The following COL4A6 variants were observed in gnomAD, a reference collection of about 807,000 sequenced individuals.
COL4A6 encodes the protein collagen type IV alpha 6 chain.
COL4A6 carries 59 observed loss-of-function variants against 126.7 expected under a neutral mutation model. The observed-to-expected ratio is 0.47, with a 90% CI of 0.38 to 0.58. The LOEUF (loss-of-function observed/expected upper bound fraction) is 0.58, where lower values mean the gene tolerates loss of function less well. Ranked by LOEUF, COL4A6 falls within the 20% of genes least tolerant of loss-of-function variation. The pLI is 0.00. For missense variants in COL4A6, 1,285 were observed against 1,337.3 expected (o/e 0.96, Z 0.61); for synonymous variants, 547 against 496.6 (o/e 1.10, Z -1.35).
intron 2 of COL4A6, among the ~76,000 whole-genome samples, chrX:108,429,100 G>A (rs921949363): frequency 8.9e-6 from 1 of 111,871 alleles, no homozygotes; most frequent in Non-Finnish European, 1.9e-5. Flanking sequence ...TTATTACTCA[G>A]CAATAAAAGG....
rs1050017866 is a variant in COL4A6, at chrX:108,191,400, G to GCCTGGTGGA, written c.1305_1313dup (p.Gly438_Pro440dup). On this transcript the variant is annotated inframe_insertion, in exon 19 of 45. Transcript: ENST00000334504. ...GAGAAATGAGTAACTTACTAGGTGG[G>GCCTGGTGGA]CCTGGTGGACCTGGTGGGCCTGGCA... The GCCTGGTGGA allele has an allele frequency of 1.6e-5, 19 of 1,207,975 alleles. No individual in the cohort carries two copies. The highest frequency in any genetic ancestry group is 1.9e-5 in the Non-Finnish European group (17 of 894,327).
intron 2 of COL4A6, among the ~76,000 whole-genome samples, chrX:108,347,078 A>G (rs2039725122): frequency 8.9e-6 from 1 of 111,963 alleles, no homozygotes. Flanking sequence ...TTATTTTCCA[A>G]CCCGCTAATT....
chrX:108,310,697 A>G (rs1569419879), intron 3 of COL4A6, 51 bp downstream of exon 3: 1 of 1,062,921 alleles, frequency 9.4e-7, no homozygotes, highest in Non-Finnish European at 1.3e-6. Context: ...GAAAACAGAT[A>G]ACAGCTCCCA....
At chrX:108,393,398 A>G (rs995342281) in intron 2 of COL4A6, among the ~76,000 whole-genome samples, 1 of 112,294 alleles carries the variant, frequency 8.9e-6, no homozygotes, top group African/African-American at 3.2e-5. Context: ...TACATACTGT[A>G]TGGTTTCATT....
At chrX:108,308,875 C>T (rs759946547) in intron 3 of COL4A6, among the ~76,000 whole-genome samples, 1 of 111,687 alleles carries the variant, frequency 9.0e-6, no homozygotes, top group Admixed American at 9.5e-5. Context: ...AGGAGGCCTA[C>T]TCTAAGATTT....
At chrX:108,425,497 G>C (rs1001996885) in intron 2 of COL4A6, among the ~76,000 whole-genome samples, 2 of 110,084 alleles carry the variant, frequency 1.8e-5, no homozygotes, top group African/African-American at 6.6e-5. Flanking sequence ...ACTTTGGGAG[G>C]CTAAGGGGGG....
At chrX:108,266,227 C>T (rs2037299425) in intron 3 of COL4A6, among the ~76,000 whole-genome samples, 1 of 111,334 alleles carries the variant, frequency 9.0e-6, no homozygotes, top group Admixed American at 9.5e-5. Flanking sequence ...TGTTTTGCTG[C>T]TATTTTGATG....
intron 2 of COL4A6, among the ~76,000 whole-genome samples, chrX:108,374,510 A>G (rs1170297039): frequency 8.9e-6 from 1 of 112,225 alleles, no homozygotes; most frequent in Non-Finnish European, 1.9e-5. Flanking sequence ...TTTAGTATTC[A>G]AAGGTAATTT....
At chrX:108,254,198 A>ACTTTTTTTTTT (rs1210839476) in intron 3 of COL4A6, among the ~76,000 whole-genome samples, 1 of 109,514 alleles carries the variant, frequency 9.1e-6, no homozygotes, top group Non-Finnish European at 1.9e-5. Flanking sequence ...CCTGGACACT[A>ACTTTTTTTTTT]CCTGGAGGCT....
chrX:108,282,003 G>T (rs1322308983), intron 3 of COL4A6, among the ~76,000 whole-genome samples: 1 of 110,653 alleles, frequency 9.0e-6, no homozygotes, highest in Non-Finnish European at 1.9e-5. Flanking sequence ...ATTCGAGATG[G>T]ATTAAAGACT....
intron 2 of COL4A6, among the ~76,000 whole-genome samples, chrX:108,359,119 C>T (rs1390535286): frequency 8.9e-6 from 1 of 112,474 alleles, no homozygotes; most frequent in Non-Finnish European, 1.9e-5. Context: ...TATTCTCTCC[C>T]TTTCTTGTAT....
intron 3 of COL4A6, among the ~76,000 whole-genome samples, chrX:108,280,153 A>C (rs1228979802): frequency 1.3e-4 from 14 of 111,564 alleles, no homozygotes; most frequent in South Asian, 3.8e-4. Context: ...CAGAGCAGAA[A>C]TGAAGGAAAT....
Position 108,175,657 on chromosome X carries a change from T to C in COL4A6, c.2827A>G (p.Lys943Glu). The C allele has an allele frequency of 1.7e-6, 2 of 1,199,474 alleles. No homozygotes were observed. Among genetic ancestry groups the C allele is most frequent in the South Asian group, 3.7e-5 (2 of 54,624 alleles). Residue 943 changes from lysine to glutamate, a missense_variant, in exon 29 of 45, where the codon AAG becomes GAG. Lys to Glu is a moderately conservative substitution (Grantham distance 56). Coordinates refer to ENST00000334504, the MANE Select transcript of COL4A6 (RefSeq NM_033641.4). The stretch of plus-strand genomic sequence containing the variant: ...AGAATTCAATTCCCCAGCTCACCCT[T>C]TTCACCAGGAGTACCAGCACGTCCA... ...PSGRAGTPGEKGDRGNPGPVG... is the reference protein window; with the variant it reads ...PSGRAGTPGEEGDRGNPGPVG...
At position 108,332,017 on chromosome X, in the gene COL4A6, T is replaced by A. The variant is rs975493206; in HGVS notation, c.64-21189A>T. On this transcript the variant is annotated intron_variant, in intron 2 of 44. Transcript: ENST00000334504. ...CACCCCACTTCTACACTCCAACTTT[T>A]TGGAGTATCCAATGTCTATTATTCC... Among the ~76,000 whole-genome samples, 31 of 111,402 alleles carry A rather than the reference T, an allele frequency of 2.8e-4. 1 individual carries two copies. The highest frequency in any genetic ancestry group is 4.1e-4 in the Non-Finnish European group (22 of 53,026).
At chrX:108,407,495 A>G (rs2041229936) in intron 2 of COL4A6, among the ~76,000 whole-genome samples, 1 of 112,454 alleles carries the variant, frequency 8.9e-6, no homozygotes, top group African/African-American at 3.2e-5. Context: ...ACCTGAATAT[A>G]ATCTAAGAAA....
At chrX:108,175,255 C>T (rs755269844) in intron 29 of COL4A6, 40 bp from the exon 30 acceptor site, 23 of 1,132,413 alleles carry the variant, frequency 2.0e-5, no homozygotes, top group South Asian at 1.4e-4. Flanking sequence ...AGAGCTTAGA[C>T]GCAGGGTCAG....
chrX:108,364,830 T>C (rs1446481080), intron 2 of COL4A6, among the ~76,000 whole-genome samples: 3 of 111,614 alleles, frequency 2.7e-5, no homozygotes, highest in Admixed American at 9.6e-5. Flanking sequence ...AATTACCACA[T>C]TTTCTTCATC....
chrX:108,223,447 C>T (rs2036077475), intron 3 of COL4A6, among the ~76,000 whole-genome samples: 1 of 111,255 alleles, frequency 9.0e-6, no homozygotes, highest in Admixed American at 9.5e-5. Context: ...TCACAGCAAA[C>T]AGTACAAATT....
intron 3 of COL4A6, among the ~76,000 whole-genome samples, chrX:108,226,075 A>G (rs1372144385): frequency 5.3e-5 from 6 of 112,635 alleles, no homozygotes; most frequent in Non-Finnish European, 9.4e-5. Flanking sequence ...TACACTTTAA[A>G]TGAAGTCTCC....
Sources: gnomAD v4.1 joint callset for allele counts (sites outside exome capture counted in the v4.1 genomes callset) on GRCh38, gnomAD v4.1.1 for gene constraint, MANE v1.5 for transcripts, NCBI Gene and HGNC (gene_info 2026-07-23, HGNC 2026-07-21) for gene names.